Variants in KCNIP4 observed in about 807,000 individuals in gnomAD.
The protein encoded by KCNIP4 is Kv channel-interacting protein 4.
In KCNIP4, 12 loss-of-function variants were observed where a neutral mutation model predicts 34.0. That is an observed-to-expected ratio of 0.35 (90% CI 0.23 to 0.57). KCNIP4 has a LOEUF of 0.57. KCNIP4 is among the 20% of genes least tolerant of loss of function. The pLI is 0.83. For missense variants in KCNIP4, 238 were observed against 311.7 expected (o/e 0.76, Z 1.78); for synonymous variants, 124 against 102.2 (o/e 1.21, Z -1.29).
chr4:21,416,064 G>A (rs57354480), intron 1 of KCNIP4, among the ~76,000 whole-genome samples: 2,187 of 152,318 alleles, frequency 0.014, 45 homozygotes, highest in African/African-American at 0.049. Flanking sequence ...ACAGCCATGT[G>A]CATTATTCTG....
At chr4:21,403,904 T>G (rs1723752658) in intron 1 of KCNIP4, among the ~76,000 whole-genome samples, 1 of 152,148 alleles carries the variant, frequency 6.6e-6, no homozygotes, top group African/African-American at 2.4e-5. Context: ...ACTAATCCCA[T>G]CCATGAGGGT....
intron 1 of KCNIP4, among the ~76,000 whole-genome samples, chr4:20,938,330 A>C (rs991440362): frequency 2.0e-5 from 3 of 152,044 alleles, no homozygotes; most frequent in Admixed American, 2.0e-4. Context: ...GCTGACTCAG[A>C]GACCAGCTAT....
intron 1 of KCNIP4, among the ~76,000 whole-genome samples, chr4:21,514,120 C>T (rs1029496511): frequency 6.6e-6 from 1 of 152,122 alleles, no homozygotes; most frequent in African/African-American, 2.4e-5. Flanking sequence ...GGCTGTCAGA[C>T]CTTCTAAAAA....
chr4:20,855,998 G>A (rs1257348960), intron 2 of KCNIP4, among the ~76,000 whole-genome samples: 2 of 152,130 alleles, frequency 1.3e-5, no homozygotes, highest in African/African-American at 4.8e-5. Flanking sequence ...TTAACAAATT[G>A]ATCTGGGCTT....
At chr4:21,192,028 C>T (rs1046299695) in intron 1 of KCNIP4, among the ~76,000 whole-genome samples, 4 of 152,166 alleles carry the variant, frequency 2.6e-5, no homozygotes, top group Non-Finnish European at 5.9e-5. Flanking sequence ...TTATAGTTAA[C>T]ATGAATTGAT....
intron 1 of KCNIP4, among the ~76,000 whole-genome samples, chr4:21,245,752 C>T (rs1179787283): frequency 6.6e-6 from 1 of 151,990 alleles, no homozygotes; most frequent in African/African-American, 2.4e-5. Flanking sequence ...ACCCAGGTGA[C>T]CGTGCAAATC....
chr4:21,856,898 C>G (rs1392207690), intron 1 of KCNIP4, among the ~76,000 whole-genome samples: 1 of 152,160 alleles, frequency 6.6e-6, no homozygotes, highest in Non-Finnish European at 1.5e-5. Context: ...ACACACCAGC[C>G]CCCTGCTGCC....
At chr4:21,270,419 C>T (rs768301292) in intron 1 of KCNIP4, among the ~76,000 whole-genome samples, 4 of 152,198 alleles carry the variant, frequency 2.6e-5, no homozygotes, top group South Asian at 2.1e-4. Flanking sequence ...TAGGTAGTAA[C>T]GTAAACGTGT....
At chr4:21,480,053 G>T (rs1731297829) in intron 1 of KCNIP4, among the ~76,000 whole-genome samples, 1 of 151,258 alleles carries the variant, frequency 6.6e-6, no homozygotes, top group Admixed American at 6.6e-5. Context: ...GAAAGCAGAT[G>T]AATTTCATAG....
chr4:20,888,660 C>T (rs748843659), intron 1 of KCNIP4, among the ~76,000 whole-genome samples: 20 of 152,176 alleles, frequency 1.3e-4, no homozygotes, highest in Admixed American at 2.6e-4. Context: ...TAATATGTAT[C>T]GCCACCTACA....
chr4:20,983,988 G>T, intron 1 of KCNIP4: 2 of 1,524,200 alleles, frequency 1.3e-6, no homozygotes, highest in South Asian at 2.4e-5. Flanking sequence ...GTTAATTACA[G>T]AATCGTAGCA....
intron 1 of KCNIP4, among the ~76,000 whole-genome samples, chr4:21,347,024 T>G (rs1717503524): frequency 6.6e-6 from 1 of 152,194 alleles, no homozygotes; most frequent in South Asian, 2.1e-4. Flanking sequence ...GAATATAGGT[T>G]TGAAGTTAGA....
intron 3 of KCNIP4, among the ~76,000 whole-genome samples, chr4:20,783,871 G>A (rs1052350272): frequency 1.3e-5 from 2 of 152,098 alleles, no homozygotes; most frequent in African/African-American, 4.8e-5. Flanking sequence ...AACCATAAAG[G>A]ATCCATTTCA....
intron 3 of KCNIP4, among the ~76,000 whole-genome samples, chr4:20,787,337 T>C (rs948997527): frequency 6.6e-6 from 1 of 152,186 alleles, no homozygotes; most frequent in African/African-American, 2.4e-5. Context: ...CAGATGAAAA[T>C]AGTTTATTTG....
chr4:21,109,498 G>A (rs972661243), intron 1 of KCNIP4, among the ~76,000 whole-genome samples: 7 of 152,210 alleles, frequency 4.6e-5, no homozygotes, highest in East Asian at 3.9e-4. Flanking sequence ...TCCAGGTGCC[G>A]TCTGTCACCC....
Position 21,256,648 on chromosome 4 carries a change from T to C in KCNIP4, c.62-373939A>G, listed in dbSNP as rs1761084014. Among the ~76,000 whole-genome samples the C allele has an allele frequency of 1.3e-5, 2 of 152,016 alleles. 1 individual carries two copies. Among genetic ancestry groups the C allele is most frequent in the South Asian group, 4.2e-4 (2 of 4,814 alleles). On this transcript the variant is annotated intron_variant, in intron 1 of 8. Coordinates refer to ENST00000382152, the MANE Select transcript of KCNIP4 (RefSeq NM_025221.6). ...TAAGAGAATTTGGAGAGGTTTTGGA[T>C]ACCATGCTAATTAAGGAGTCTAGAT... is the stretch of plus-strand genomic sequence containing the variant.
intron 1 of KCNIP4, among the ~76,000 whole-genome samples, chr4:21,258,683 AG>A (rs1016211984): frequency 5.3e-5 from 8 of 152,114 alleles, no homozygotes; most frequent in Non-Finnish European, 8.8e-5. Context: ...TACTTGAAGA[AG>A]GCAAAAAACT....
intron 1 of KCNIP4, among the ~76,000 whole-genome samples, chr4:20,906,813 A>G (rs528507390): frequency 1.3e-5 from 2 of 152,276 alleles, no homozygotes; most frequent in Admixed American, 6.5e-5. Flanking sequence ...GACTTCATGG[A>G]TGTATGGAAT....
chr4:21,679,266 A>T (rs1750156176), intron 1 of KCNIP4, among the ~76,000 whole-genome samples: 1 of 152,184 alleles, frequency 6.6e-6, no homozygotes, highest in Non-Finnish European at 1.5e-5. Context: ...TACCCAGAGT[A>T]TTTATCATCT....
Sources: gnomAD v4.1 joint callset for allele counts (sites outside exome capture counted in the v4.1 genomes callset) on GRCh38, gnomAD v4.1.1 for gene constraint, MANE v1.5 for transcripts, NCBI Gene and HGNC (gene_info 2026-07-23, HGNC 2026-07-21) for gene names.